Variants in ADAMTS19 observed in about 807,000 individuals in gnomAD.
The protein encoded by ADAMTS19 is ADAM metallopeptidase with thrombospondin type 1 motif 19.
In ADAMTS19, 93 loss-of-function variants were observed where a neutral mutation model predicts 153.3. The observed-to-expected ratio is 0.61, with a 90% CI of 0.51 to 0.72. The LOEUF is 0.72. Ranked by LOEUF, ADAMTS19 falls within the 30% of genes least tolerant of loss-of-function variation. The pLI, the probability that ADAMTS19 is intolerant of heterozygous loss-of-function variation, is 0.00. For missense variants in ADAMTS19, 1,482 were observed against 1,552.1 expected (o/e 0.95, Z 0.76); for synonymous variants, 600 against 556.6 (o/e 1.08, Z -1.10).
At chr5:129,734,902 GAACCT>G (rs758812778) in intron 21 of ADAMTS19, 25 bp from the exon 22 acceptor site, 2 of 1,486,066 alleles carry the variant, frequency 1.3e-6, no homozygotes, top group Non-Finnish European at 1.8e-6. Flanking sequence ...AAATAAAAAA[GAACCT>G]AAACAAACCT....
intron 10 of ADAMTS19, among the ~76,000 whole-genome samples, chr5:129,624,467 T>C (rs1751934190): frequency 6.6e-6 from 1 of 152,158 alleles, no homozygotes; most frequent in African/African-American, 2.4e-5. Flanking sequence ...TTTTACAGGC[T>C]GAAGTTACTA....
chr5:129,534,462 A>G (rs1752337652), intron 6 of ADAMTS19, among the ~76,000 whole-genome samples: 1 of 152,224 alleles, frequency 6.6e-6, no homozygotes, highest in Non-Finnish European at 1.5e-5. Context: ...ATCCAGGACC[A>G]GAAGGATTCA....
At chr5:129,696,348 T>C (rs1379558426) in intron 19 of ADAMTS19, among the ~76,000 whole-genome samples, 3 of 151,958 alleles carry the variant, frequency 2.0e-5, no homozygotes, top group African/African-American at 7.3e-5. Context: ...ACCCAGGAGG[T>C]GGAGGTTCTA....
chr5:129,641,047 T>C (rs1165876867), intron 10 of ADAMTS19, among the ~76,000 whole-genome samples: 1 of 152,134 alleles, frequency 6.6e-6, no homozygotes, highest in Non-Finnish European at 1.5e-5. Flanking sequence ...GTACAATTGT[T>C]AACAATATGT....
chr5:129,653,124 C>T (rs759086319), intron 13 of ADAMTS19, among the ~76,000 whole-genome samples: 1 of 152,136 alleles, frequency 6.6e-6, no homozygotes, highest in African/African-American at 2.4e-5. Flanking sequence ...AAAGTGATAC[C>T]CTGTTCCATG....
chr5:129,711,829 A>G (rs1756493083), intron 21 of ADAMTS19, among the ~76,000 whole-genome samples: 1 of 152,160 alleles, frequency 6.6e-6, no homozygotes, highest in Non-Finnish European at 1.5e-5. Flanking sequence ...CAGGTCTTTT[A>G]ATATTCTACT....
Position 129,522,940 on chromosome 5 carries a change from C to T in ADAMTS19, c.914-3344C>T, listed in dbSNP as rs552197548. On this transcript the variant is annotated intron_variant, in intron 3 of 22. Coordinates refer to ENST00000274487, the MANE Select transcript of ADAMTS19 (RefSeq NM_133638.6). ...GCATTGTGGTGCATGCCTGTAATCCCAGCCACTTGAGAGGCAGAGGCAGGA... is the reference window on the plus strand; with the variant it reads ...GCATTGTGGTGCATGCCTGTAATCCTAGCCACTTGAGAGGCAGAGGCAGGA... 3.9e-5 allele frequency among the ~76,000 whole-genome samples: 6 copies of T among 151,950 alleles called. No individual in the cohort carries two copies. In the South Asian group the frequency reaches 1.2e-3, roughly 32 times the overall value.
chr5:129,725,279 G>C (rs963092466), intron 21 of ADAMTS19, among the ~76,000 whole-genome samples: 1 of 152,208 alleles, frequency 6.6e-6, no homozygotes, highest in East Asian at 1.9e-4. Context: ...TTTTGACTGG[G>C]GGTGTTATAT....
At chr5:129,671,338 G>A (rs528622987) in intron 16 of ADAMTS19, among the ~76,000 whole-genome samples, 2 of 152,274 alleles carry the variant, frequency 1.3e-5, no homozygotes, top group African/African-American at 4.8e-5. Context: ...TTTCTGGTAA[G>A]TAATAGTAAC....
chr5:129,501,484 A>G (rs1413149341), intron 2 of ADAMTS19, among the ~76,000 whole-genome samples: 1 of 152,154 alleles, frequency 6.6e-6, no homozygotes. Context: ...ACCATCTGTG[A>G]GGTGTTATGC....
At position 129,461,748 on chromosome 5, in the gene ADAMTS19, A is replaced by G; in HGVS notation, c.738A>G (p.Gly246=). Residue 246 remains glycine (G), a synonymous_variant, in exon 2 of 23, where the codon GGA becomes GGG. Transcript: ENST00000274487. This position sits in a 1 kb window ranked among gnomAD's most constrained non-coding sequence, Gnocchi z 4.6. ...PGSLASFSTC[G]GGLMGFIQLN... ...CGCTGGCTTCTTTCAGCACCTGTGG[A>G]GGTGGCCTGGTAAGCGCCTTCTTTC... 6.7e-7 allele frequency: 1 copy of G among 1,498,054 alleles called. No individual in the cohort carries two copies. Among genetic ancestry groups the G allele is most frequent in the Non-Finnish European group, 8.8e-7 (1 of 1,130,704 alleles). The allele number at this position is 1,498,054 out of a possible 1,614,324, so 92.8% of individuals were successfully genotyped here. A position where few individuals can be genotyped will look rare whatever the true frequency, so the allele number is the denominator to read the frequency against.
intron 8 of ADAMTS19, among the ~76,000 whole-genome samples, chr5:129,608,130 A>G (rs1251431324): frequency 7.5e-6 from 1 of 133,376 alleles, no homozygotes; most frequent in Non-Finnish European, 1.6e-5. Context: ...ATATATATAT[A>G]TATATATATA....
intron 18 of ADAMTS19, among the ~76,000 whole-genome samples, chr5:129,686,143 G>T (rs181694698): frequency 2.6e-5 from 4 of 152,270 alleles, no homozygotes; most frequent in African/African-American, 7.2e-5. Flanking sequence ...CAGTCCTTAT[G>T]ATGTATGTTA....
intron 19 of ADAMTS19, among the ~76,000 whole-genome samples, chr5:129,697,543 T>C (rs946333703): frequency 3.3e-5 from 5 of 152,262 alleles, no homozygotes; most frequent in Admixed American, 6.5e-5. Context: ...AATGTCATGT[T>C]CTTTGCACCT....
At chr5:129,584,307 A>G (rs1581113641) in intron 7 of ADAMTS19, among the ~76,000 whole-genome samples, 1 of 151,886 alleles carries the variant, frequency 6.6e-6, no homozygotes, top group Non-Finnish European at 1.5e-5. Flanking sequence ...ACCAGCCAGA[A>G]CTCTCCTGTA....
chr5:129,719,075 AAATG>A (rs1215913770), intron 21 of ADAMTS19, among the ~76,000 whole-genome samples: 2 of 152,108 alleles, frequency 1.3e-5, no homozygotes, highest in Non-Finnish European at 2.9e-5. Flanking sequence ...AAATGCACTG[AAATG>A]TTTTTTTTTC....
At chr5:129,685,577 A>G (rs1209962456) in intron 18 of ADAMTS19, among the ~76,000 whole-genome samples, 1 of 152,158 alleles carries the variant, frequency 6.6e-6, no homozygotes, top group Non-Finnish European at 1.5e-5. Context: ...TGGTTATCCT[A>G]TAAAAATTAA....
At chr5:129,669,530 T>G (rs1193661486) in intron 16 of ADAMTS19, among the ~76,000 whole-genome samples, 1 of 152,122 alleles carries the variant, frequency 6.6e-6, no homozygotes, top group Non-Finnish European at 1.5e-5. Flanking sequence ...CTAGCTAGAC[T>G]TGTTAATTTT....
chr5:129,594,556 G>C (rs10052086), intron 7 of ADAMTS19, among the ~76,000 whole-genome samples: 13,534 of 152,030 alleles, frequency 0.089, 694 homozygotes, highest in African/African-American at 0.11. Flanking sequence ...ATTTAGAGGA[G>C]ATATTTTCTT....
Sources: allele counts gnomAD v4.1 joint callset (sites outside exome capture counted in the v4.1 genomes callset), GRCh38; gene constraint gnomAD v4.1.1; non-coding constraint Gnocchi (gnomAD v3.1); transcripts MANE v1.5; gene names NCBI Gene and HGNC (gene_info 2026-07-23, HGNC 2026-07-21).